ZNF276: variants seen among roughly 807,000 people sequenced by gnomAD.
ZNF276 encodes the protein zinc finger protein 276.
ZNF276 carries 59 observed loss-of-function variants against 63.9 expected under a neutral mutation model. The observed-to-expected ratio is 0.92, with a 90% CI of 0.75 to 1.15. The LOEUF (loss-of-function observed/expected upper bound fraction) is 1.15. Ranked by LOEUF, ZNF276 falls within the 50% of genes most tolerant of loss-of-function variation. The pLI, the probability that ZNF276 is intolerant of heterozygous loss-of-function variation, is 0.00. For missense variants in ZNF276, 1,084 were observed against 843.8 expected, an observed-to-expected ratio of 1.28 and a Z score of -3.53; for synonymous variants, 496 against 348.4, an observed-to-expected ratio of 1.42 and a Z score of -4.72.
chr16:89,721,095 G>A, upstream of ZNF276: 2 of 336,360 alleles, frequency 5.9e-6, no homozygotes, highest in Middle Eastern at 8.1e-4. Flanking sequence ...CCTCTTCGCC[G>A]TCTTGAGACG....
At chr16:89,736,218 G>A (rs891351023) in intron 9 of ZNF276, among the ~76,000 whole-genome samples, 8 of 152,144 alleles carry the variant, frequency 5.3e-5, no homozygotes, top group African/African-American at 1.4e-4. Context: ...TAGAGAGGCA[G>A]GTTTTGCTAT....
chr16:89,725,903 T>G (rs542745133), intron 4 of ZNF276, among the ~76,000 whole-genome samples: 1 of 152,312 alleles, frequency 6.6e-6, no homozygotes, highest in African/African-American at 2.4e-5. Context: ...TGCCTTGGCC[T>G]CCCAAAAGGC....
At position 89,740,199 on chromosome 16, in the gene ZNF276, C is replaced by T. The variant is rs1042575838; in HGVS notation, c.*1953C>T. On this transcript the variant is annotated 3_prime_UTR_variant, in exon 11 of 11. Transcript: ENST00000443381. ...CACAGAAGAGGGCATTTCCTCTTTG[C>T]TTATTGTAAGTCTTAAAACTGGTGA... The T allele has an allele frequency of 3.1e-6, 3 of 970,250 alleles. No individual in the cohort carries two copies. Among genetic ancestry groups the T allele is most frequent in the Non-Finnish European group, 5.0e-6 (3 of 595,426 alleles). 60.1% of individuals were successfully genotyped at this position (970,250 alleles called of 1,614,324 possible).
At chr16:89,730,554 C>G (rs2061611881) in intron 6 of ZNF276, among the ~76,000 whole-genome samples, 1 of 152,192 alleles carries the variant, frequency 6.6e-6, no homozygotes, top group Non-Finnish European at 1.5e-5. Flanking sequence ...CAGACTGTGT[C>G]ACTAGTCCCT....
intron 5 of ZNF276, among the ~76,000 whole-genome samples, chr16:89,728,047 C>T (rs541710123): frequency 6.6e-6 from 1 of 152,288 alleles, no homozygotes; most frequent in East Asian, 1.9e-4. Flanking sequence ...GCACCTCATC[C>T]AAATGAGGAC....
At chr16:89,724,595 C>T (rs558080156) in intron 4 of ZNF276, among the ~76,000 whole-genome samples, 14 of 152,222 alleles carry the variant, frequency 9.2e-5, no homozygotes, top group African/African-American at 2.6e-4. Context: ...TGCAGTGAGC[C>T]GACATCGCAC....
At position 89,737,796 on chromosome 16, in the gene ZNF276, C is replaced by T. The variant is rs199778951; in HGVS notation, c.1475-10C>T. ...CAGGGGCCTGGACTCACTGGACTCT[C>T]CCCTCTCAGAGGTGCGGAACTATAT... is the stretch of plus-strand genomic sequence containing the variant. On this transcript the variant is annotated splice_polypyrimidine_tract_variant and intron_variant, in intron 9 of 10. Coordinates refer to ENST00000443381, the MANE Select transcript of ZNF276 (RefSeq NM_001113525.2). 4 of 1,614,146 alleles carry T rather than the reference C, an allele frequency of 2.5e-6. No homozygotes were observed. The Admixed American group carries it at 6.7e-5, about 27-fold the overall frequency.
chr16:89,725,140 C>G (rs1177664342), intron 4 of ZNF276, among the ~76,000 whole-genome samples: 1 of 140,822 alleles, frequency 7.1e-6, no homozygotes, highest in African/African-American at 2.7e-5. Context: ...GTCTCGAACT[C>G]CTGACCTCGT....
At chr16:89,727,037 T>A (rs2061491309) in intron 4 of ZNF276, among the ~76,000 whole-genome samples, 1 of 152,228 alleles carries the variant, frequency 6.6e-6, no homozygotes. Context: ...GCTTTCTGGT[T>A]CTGCTGTTCC....
Position 89,737,916 on chromosome 16 carries a change from G to C in ZNF276, c.1574+11G>C, listed in dbSNP as rs749738500. 1.3e-6 allele frequency: 2 copies of C among 1,567,196 alleles called. No individual in the cohort carries two copies. Among genetic ancestry groups the C allele is most frequent in the African/African-American group, 1.9e-5 (1 of 53,006 alleles). ...AGCCAAGCCTTTGCAGTAAGTGTGA[G>C]TCAGGACCCCCTCCCAGGGCTGTGG... On this transcript the variant is annotated intron_variant, in intron 10 of 10. Transcript: ENST00000443381.
Position 89,729,295 on chromosome 16 carries a change from C to A in ZNF276, c.1146C>A (p.Ser382=). The change falls in exon 6 of 11, where the codon TCC becomes TCA. Residue 382 remains serine (S), a synonymous_variant. Coordinates refer to ENST00000443381, the MANE Select transcript of ZNF276 (RefSeq NM_001113525.2). Reference sequence around the variant, plus strand: ...AAAATGCCCAGTCTTCGGACGAGTCCTTTGAGCCTTACCCAGAAAGGAAGT... The same window carrying A: ...AAAATGCCCAGTCTTCGGACGAGTCATTTGAGCCTTACCCAGAAAGGAAGT... ...KKQNAQSSDE[S]FEPYPERKVS... 6.2e-7 allele frequency: 1 copy of A among 1,614,112 alleles called. No homozygotes were observed. Among genetic ancestry groups the A allele is most frequent in the South Asian group, 1.1e-5 (1 of 91,084 alleles).
In ZNF276 at chr16:89,723,671, T is replaced by C. The variant is rs2061377602; in HGVS notation, c.968T>C (p.Phe323Ser). 7 of 1,611,876 alleles carry C rather than the reference T, an allele frequency of 4.3e-6. No homozygotes were observed. Among genetic ancestry groups the C allele is most frequent in the Non-Finnish European group, 5.9e-6 (7 of 1,179,658 alleles). ...GACGCGGTGGGGCCCAGGTCGGGCT[T>C]CCCACCTCAGCCAAGCCTGCCCCTT... ...DSDAVGPRSGFPPQPSLPLCR... is the reference protein window; with the variant it reads ...DSDAVGPRSGSPPQPSLPLCR... The change falls in exon 4 of 11, where the codon TTC becomes TCC. Residue 323 changes from phenylalanine (F) to serine (S), a missense_variant. Physicochemically the swap from Phe to Ser is radical, Grantham distance 155 (BLOSUM62 -2). Transcript: ENST00000443381.
intron 9 of ZNF276, among the ~76,000 whole-genome samples, chr16:89,735,034 C>T (rs900398971): frequency 6.6e-6 from 1 of 151,846 alleles, no homozygotes; most frequent in Non-Finnish European, 1.5e-5. Context: ...TGGCACACGC[C>T]TGTAGGCACA....
chr16:89,740,855 G>A lies in ZNF276; in HGVS notation c.*2609G>A, dbSNP rs780555200. 6.2e-7 allele frequency: 1 copy of A among 1,613,096 alleles called. No individual in the cohort carries two copies. Among genetic ancestry groups the A allele is most frequent in the Non-Finnish European group, 8.5e-7 (1 of 1,179,424 alleles). ...GGCCCATCAAGGAGAAGAAGAAAAGGAAAACCAATAGCTGTAAATAAAAAC... is the reference window on the plus strand; with the variant it reads ...GGCCCATCAAGGAGAAGAAGAAAAGAAAAACCAATAGCTGTAAATAAAAAC... On this transcript the variant is annotated 3_prime_UTR_variant, in exon 11 of 11. Transcript: ENST00000443381.
Position 89,722,848 on chromosome 16 carries a change from T to C in ZNF276, c.509+14T>C. 6.3e-7 allele frequency: 1 copy of C among 1,596,108 alleles called. No homozygotes were observed. The highest frequency in any genetic ancestry group is 8.5e-7 in the Non-Finnish European group (1 of 1,176,744). The stretch of plus-strand genomic sequence containing the variant: ...GCCTTGTGCAAAGTACGCCCTAGTC[T>C]GTTCAGAGCACGTTCAGGCTGTCAG... On this transcript the variant is annotated intron_variant, in intron 2 of 10. Coordinates refer to ENST00000443381, the MANE Select transcript of ZNF276 (RefSeq NM_001113525.2).
At chr16:89,729,389 C>G (rs11640734) in intron 6 of ZNF276, 71 bp downstream of exon 6, 133,546 of 1,371,990 alleles carry the variant, frequency 0.097, 7,529 homozygotes, top group East Asian at 0.16. Context: ...TGCTCCAGGG[C>G]CTCTCCCCGG....
chr16:89,737,771 CAG>C (rs1213358248), intron 9 of ZNF276, 33 bp from the exon 10 acceptor site: 8 of 1,612,698 alleles, frequency 5.0e-6, no homozygotes, highest in Admixed American at 1.7e-5. Context: ...GTTGGAGCAT[CAG>C]GGGCCTGGAC....
At chr16:89,722,304 T>A (rs2061317984) in intron 1 of ZNF276, among the ~76,000 whole-genome samples, 1 of 152,156 alleles carries the variant, frequency 6.6e-6, no homozygotes, top group South Asian at 2.1e-4. Flanking sequence ...GTTGCTTCGC[T>A]GGAGAGGCCT....
intron 6 of ZNF276, chr16:89,732,923 G>A (rs1598010638): frequency 1.0e-5 from 3 of 290,236 alleles, no homozygotes; most frequent in East Asian, 9.2e-5. Context: ...TGTTCACCCC[G>A]ACCCTGCTGT....
Sources: gnomAD v4.1 joint callset for allele counts (sites outside exome capture counted in the v4.1 genomes callset) on GRCh38, gnomAD v4.1.1 for gene constraint, MANE v1.5 for transcripts, NCBI Gene and HGNC (gene_info 2026-07-23, HGNC 2026-07-21) for gene names.